Variants in RNF180 observed in about 807,000 individuals in gnomAD.
RNF180 encodes the protein E3 ubiquitin-protein ligase RNF180.
In RNF180, 38 loss-of-function variants were observed where a neutral mutation model predicts 59.2. The ratio of observed to expected loss-of-function variants is 0.64; its 90% CI spans 0.50 to 0.84. The LOEUF (loss-of-function observed/expected upper bound fraction) is 0.84. Among genes scored for constraint, RNF180 ranks in the 40% least tolerant of loss-of-function variants. The pLI is 0.00. For missense variants in RNF180, 705 were observed against 700.9 expected, an observed-to-expected ratio of 1.01 and a Z score of -0.07; for synonymous variants, 262 against 240.3, an observed-to-expected ratio of 1.09 and a Z score of -0.84.
At chr5:64,221,369 A>C (rs1315168519) in intron 5 of RNF180, among the ~76,000 whole-genome samples, 1 of 152,132 alleles carries the variant, frequency 6.6e-6, no homozygotes, top group African/African-American at 2.4e-5. Context: ...TAAAGAAGAC[A>C]ATCAATAGAT....
chr5:64,247,153 A>G (rs2112260291), intron 5 of RNF180, among the ~76,000 whole-genome samples: 1 of 152,316 alleles, frequency 6.6e-6, no homozygotes, highest in South Asian at 2.1e-4. Flanking sequence ...CACAGCCAAT[A>G]TCATACTGAA....
At chr5:64,329,111 A>T (rs1744779741) in intron 6 of RNF180, among the ~76,000 whole-genome samples, 1 of 152,234 alleles carries the variant, frequency 6.6e-6, no homozygotes, top group South Asian at 2.1e-4. Flanking sequence ...TCATATTTTT[A>T]AAATTACCTC....
chr5:64,251,519 C>T (rs1743576158), intron 5 of RNF180, among the ~76,000 whole-genome samples: 1 of 152,156 alleles, frequency 6.6e-6, no homozygotes, highest in Non-Finnish European at 1.5e-5. Context: ...AACTCCTGGG[C>T]TCGAGCAAGC....
At chr5:64,193,662 TA>T (rs1318461173) in intron 1 of RNF180, among the ~76,000 whole-genome samples, 1 of 152,208 alleles carries the variant, frequency 6.6e-6, no homozygotes, top group Non-Finnish European at 1.5e-5. Flanking sequence ...TATCCACATA[TA>T]AATTTATCTG....
intron 5 of RNF180, among the ~76,000 whole-genome samples, chr5:64,230,085 G>A (rs989305100): frequency 6.6e-6 from 1 of 152,148 alleles, no homozygotes; most frequent in African/African-American, 2.4e-5. Context: ...ACAACAATGG[G>A]TAGTCTATTT....
chr5:64,259,523 T>A (rs545142087), intron 5 of RNF180, among the ~76,000 whole-genome samples: 2 of 152,208 alleles, frequency 1.3e-5, no homozygotes, highest in East Asian at 3.8e-4. Flanking sequence ...TCACCAAGAC[T>A]TCTTAGAGAC....
chr5:64,308,650 C>T (rs777918809), intron 5 of RNF180, among the ~76,000 whole-genome samples: 38 of 151,574 alleles, frequency 2.5e-4, no homozygotes, highest in Non-Finnish European at 4.9e-4. Flanking sequence ...CACTTTGCCA[C>T]CCAAGACTGG....
In RNF180 at chr5:64,345,651, C is replaced by T. The variant is rs139781607; in HGVS notation, c.1579+15245C>T. Among the ~76,000 whole-genome samples, 13 of 152,236 alleles carry T rather than the reference C, an allele frequency of 8.5e-5. No individual in the cohort carries two copies. The East Asian group carries it at 2.5e-3, about 29-fold the overall frequency. On this transcript the variant is annotated intron_variant, in intron 7 of 7. Transcript: ENST00000389100. ...TAGGATTTATCTTTAAAGGCTGGGC[C>T]ACTTCCAATCAACCACACTCACAGC...
intron 7 of RNF180, among the ~76,000 whole-genome samples, chr5:64,336,288 T>C (rs949671223): frequency 4.6e-5 from 7 of 152,208 alleles, no homozygotes; most frequent in Non-Finnish European, 4.4e-5. Context: ...CTCTTTCACC[T>C]AGCACTGCCC....
intron 7 of RNF180, among the ~76,000 whole-genome samples, chr5:64,352,309 C>T (rs1434656747): frequency 6.6e-6 from 1 of 151,798 alleles, no homozygotes; most frequent in Admixed American, 6.6e-5. Context: ...CTTTATTAGT[C>T]TTGCTAGCAG....
At chr5:64,250,945 T>C (rs908701933) in intron 5 of RNF180, among the ~76,000 whole-genome samples, 4 of 152,090 alleles carry the variant, frequency 2.6e-5, no homozygotes, top group African/African-American at 9.7e-5. Flanking sequence ...CGAACATAGA[T>C]GCAAAAATCC....
chr5:64,214,628 T>G, intron 4 of RNF180, 111 bp downstream of exon 4: 1 of 905,436 alleles, frequency 1.1e-6, no homozygotes, highest in Non-Finnish European at 1.7e-6. Context: ...TTAGTAATTC[T>G]GGAAATGCTA....
At chr5:64,324,421 C>T (rs562813869) in intron 5 of RNF180, among the ~76,000 whole-genome samples, 2 of 152,328 alleles carry the variant, frequency 1.3e-5, no homozygotes, top group Admixed American at 6.5e-5. Context: ...CCCCCACAAA[C>T]GTGGGGACAA....
chr5:64,294,494 T>C (rs888303317), intron 5 of RNF180, among the ~76,000 whole-genome samples: 2 of 152,246 alleles, frequency 1.3e-5, no homozygotes, highest in African/African-American at 4.8e-5. Flanking sequence ...TTTAAAGTTA[T>C]AGCAACCATG....
intron 5 of RNF180, among the ~76,000 whole-genome samples, chr5:64,239,315 A>G (rs1742649946): frequency 1.3e-5 from 2 of 152,122 alleles, no homozygotes; most frequent in South Asian, 2.1e-4. Flanking sequence ...CAGGTGACTC[A>G]TATGCTCTTT....
intron 5 of RNF180, among the ~76,000 whole-genome samples, chr5:64,259,829 G>A (rs892716109): frequency 1.3e-5 from 2 of 152,040 alleles, no homozygotes; most frequent in African/African-American, 4.8e-5. Flanking sequence ...GCTGAGGCAG[G>A]AGAATCACTT....
At chr5:64,347,593 G>A (rs1745605439) in intron 7 of RNF180, among the ~76,000 whole-genome samples, 1 of 151,990 alleles carries the variant, frequency 6.6e-6, no homozygotes, top group Non-Finnish European at 1.5e-5. Context: ...CATGAAGTAG[G>A]ACATATTTAT....
intron 1 of RNF180, among the ~76,000 whole-genome samples, chr5:64,198,343 A>C (rs1440870951): frequency 6.6e-6 from 1 of 152,204 alleles, no homozygotes; most frequent in Non-Finnish European, 1.5e-5. Flanking sequence ...AAAGGCCCTG[A>C]AGGAGATTCA....
intron 1 of RNF180, among the ~76,000 whole-genome samples, chr5:64,179,568 T>G (rs1357969011): frequency 6.6e-6 from 1 of 152,196 alleles, no homozygotes; most frequent in African/African-American, 2.4e-5. Flanking sequence ...ATAACTTTGA[T>G]TTTTTTCTAG....
Sources: gnomAD v4.1 joint callset for allele counts (sites outside exome capture counted in the v4.1 genomes callset) on GRCh38, gnomAD v4.1.1 for gene constraint, MANE v1.5 for transcripts, NCBI Gene and HGNC (gene_info 2026-07-23, HGNC 2026-07-21) for gene names.